LRP1B: variants seen among roughly 807,000 people sequenced by gnomAD.
LRP1B encodes LDL receptor related protein 1B, also known as low-density lipoprotein receptor-related protein 1B.
LRP1B carries 217 observed loss-of-function variants against 556.6 expected under a neutral mutation model. The observed-to-expected ratio is 0.39, with a 90% CI of 0.35 to 0.44. The LOEUF (loss-of-function observed/expected upper bound fraction) is 0.44, where lower values mean the gene tolerates loss of function less well. LRP1B is among the 20% of genes least tolerant of loss of function. LRP1B has a pLI of 1.00. For synonymous variants in LRP1B, 2,047 were observed against 1,865.8 expected, an observed-to-expected ratio of 1.10 and a Z score of -2.50; for missense variants, 5,053 against 5,620.8, an observed-to-expected ratio of 0.90 and a Z score of 3.23.
chr2:141,616,886 T>C (rs1688319602), intron 2 of LRP1B, among the ~76,000 whole-genome samples: 1 of 152,184 alleles, frequency 6.6e-6, no homozygotes, highest in Non-Finnish European at 1.5e-5. Flanking sequence ...CAATTGTAAC[T>C]CTCTAATTTT....
chr2:140,644,027 T>G (rs1684392308), intron 41 of LRP1B, among the ~76,000 whole-genome samples: 1 of 152,226 alleles, frequency 6.6e-6, no homozygotes, highest in East Asian at 1.9e-4. Flanking sequence ...AGCAACTTTT[T>G]CTCGTTACTC....
At chr2:141,840,333 G>C (rs1478493399) in intron 1 of LRP1B, among the ~76,000 whole-genome samples, 1 of 133,476 alleles carries the variant, frequency 7.5e-6, no homozygotes, top group Non-Finnish European at 1.5e-5. Flanking sequence ...GCGCCATCTC[G>C]GCTCACTGCA....
chr2:140,238,070 C>T (rs1680789475), intron 89 of LRP1B, 82 bp downstream of exon 89: 2 of 1,252,952 alleles, frequency 1.6e-6, no homozygotes, highest in Non-Finnish European at 2.2e-6. Context: ...AACAGAAAAA[C>T]TTGGTGAAAT....
intron 54 of LRP1B, 114 bp from the exon 55 acceptor site, chr2:140,501,988 G>C: frequency 1.4e-6 from 1 of 716,908 alleles, no homozygotes; most frequent in South Asian, 2.8e-5. Flanking sequence ...CATAATATAA[G>C]TTTATATAAA....
chr2:141,710,101 T>C (rs1692304239), intron 2 of LRP1B, among the ~76,000 whole-genome samples: 1 of 152,164 alleles, frequency 6.6e-6, no homozygotes, highest in South Asian at 2.1e-4. Context: ...CACTGGGGGA[T>C]TAAGCTTCAA....
chr2:141,756,713 T>C (rs1031228773), intron 2 of LRP1B, among the ~76,000 whole-genome samples: 7 of 152,060 alleles, frequency 4.6e-5, no homozygotes, highest in Non-Finnish European at 7.4e-5. Context: ...AATACTTACA[T>C]TGTGTTACAG....
At chr2:140,330,011 C>A (rs1558806646) in intron 79 of LRP1B, among the ~76,000 whole-genome samples, 1 of 151,576 alleles carries the variant, frequency 6.6e-6, no homozygotes, top group Non-Finnish European at 1.5e-5. Context: ...ACCAGCCTGG[C>A]CAACATGGTG....
intron 21 of LRP1B, 129 bp downstream of exon 21, chr2:140,922,836 T>C: frequency 1.5e-6 from 1 of 677,424 alleles, no homozygotes; most frequent in Non-Finnish European, 2.5e-6. Flanking sequence ...ACTACTATTA[T>C]TATACATGAG....
At chr2:140,314,902 AG>A in intron 83 of LRP1B, 32 bp downstream of exon 83, 1 of 1,515,236 alleles carries the variant, frequency 6.6e-7, no homozygotes, top group Non-Finnish European at 8.9e-7. Context: ...AAAGTGAAAA[AG>A]ATGTGAAATA....
At chr2:140,556,179 A>T (rs745341131) in intron 43 of LRP1B, among the ~76,000 whole-genome samples, 1 of 151,992 alleles carries the variant, frequency 6.6e-6, no homozygotes, top group Non-Finnish European at 1.5e-5. Context: ...CAGGAAGGCA[A>T]CTCTGACCTT....
At chr2:140,502,193 T>C (rs1574011322) in intron 54 of LRP1B, among the ~76,000 whole-genome samples, 2 of 152,044 alleles carry the variant, frequency 1.3e-5, no homozygotes, top group African/African-American at 4.8e-5. Flanking sequence ...AAAAGTTTAA[T>C]GATAGTTTGA....
At chr2:140,265,930 G>A (rs1309816606) in intron 86 of LRP1B, among the ~76,000 whole-genome samples, 3 of 151,840 alleles carry the variant, frequency 2.0e-5, no homozygotes, top group African/African-American at 4.8e-5. Context: ...TTAGTACCAT[G>A]TGATTTATAA....
intron 2 of LRP1B, among the ~76,000 whole-genome samples, chr2:141,641,143 C>T (rs1346502058): frequency 3.9e-5 from 6 of 151,936 alleles, no homozygotes; most frequent in African/African-American, 1.2e-4. Context: ...AAATAAAGAT[C>T]TCTGTAATAT....
At chr2:140,898,608 T>C in intron 23 of LRP1B, 1 of 342,244 alleles carries the variant, frequency 2.9e-6, no homozygotes, top group Non-Finnish European at 5.8e-6. Context: ...AAAAGTTCAC[T>C]CTGTTGAAGA....
chr2:140,293,807 G>A (rs1374286348), intron 84 of LRP1B, among the ~76,000 whole-genome samples: 1 of 152,094 alleles, frequency 6.6e-6, no homozygotes, highest in Non-Finnish European at 1.5e-5. Context: ...AATGTTTGTT[G>A]ACATCTTGAT....
At chr2:140,773,366 G>A (rs904890298) in intron 33 of LRP1B, among the ~76,000 whole-genome samples, 1 of 152,074 alleles carries the variant, frequency 6.6e-6, no homozygotes, top group African/African-American at 2.4e-5. Context: ...CTACTCGGGG[G>A]ACTGAGACAG....
chr2:141,307,404 A>G (rs2105441973), intron 3 of LRP1B, among the ~76,000 whole-genome samples: 1 of 152,046 alleles, frequency 6.6e-6, no homozygotes, highest in East Asian at 1.9e-4. Context: ...CAAAGTCTGT[A>G]TTATCTGGTA....
chr2:141,180,347 T>TTA (rs5834815), intron 7 of LRP1B, among the ~76,000 whole-genome samples: 1 of 147,096 alleles, frequency 6.8e-6, no homozygotes, highest in Non-Finnish European at 1.5e-5. Flanking sequence ...TAGAACTCCA[T>TTA]AAAAAAAAAA....
intron 41 of LRP1B, among the ~76,000 whole-genome samples, chr2:140,629,180 G>A (rs74626967): frequency 0.036 from 5,506 of 151,794 alleles, 108 homozygotes; most frequent in East Asian, 0.044. Context: ...CAGCCTCCTG[G>A]GTAGGTGGGA....
Sources: allele counts gnomAD v4.1 joint callset (sites outside exome capture counted in the v4.1 genomes callset), GRCh38; gene constraint gnomAD v4.1.1; transcripts MANE v1.5; gene names NCBI Gene and HGNC (gene_info 2026-07-23, HGNC 2026-07-21).